Variants in ATXN7L1 observed in about 807,000 individuals in gnomAD.
ATXN7L1 encodes ataxin-7-like protein 1.
ATXN7L1 carries 15 observed loss-of-function variants against 70.8 expected under a neutral mutation model. The ratio of observed to expected loss-of-function variants is 0.21; its 90% CI spans 0.14 to 0.33. The LOEUF (loss-of-function observed/expected upper bound fraction) is 0.33. Ranked by LOEUF, ATXN7L1 falls within the 10% of genes least tolerant of loss-of-function variation. ATXN7L1 has a pLI of 1.00. For missense variants in ATXN7L1, 975 were observed against 1,097.1 expected, an observed-to-expected ratio of 0.89 and a Z score of 1.57; for synonymous variants, 440 against 445.1, an observed-to-expected ratio of 0.99 and a Z score of 0.14.
At chr7:105,821,043 GTTGT>G (rs1022843576) in intron 2 of ATXN7L1, among the ~76,000 whole-genome samples, 2 of 152,126 alleles carry the variant, frequency 1.3e-5, no homozygotes, top group African/African-American at 4.8e-5. Flanking sequence ...TTTTGTTGCT[GTTGT>G]TTGTTTTTTC....
At chr7:105,662,226 C>T (rs1322157326) in intron 4 of ATXN7L1, among the ~76,000 whole-genome samples, 1 of 151,898 alleles carries the variant, frequency 6.6e-6, no homozygotes, top group African/African-American at 2.4e-5. Context: ...CCTCAGCCTC[C>T]TGAGTAGCTG....
Position 105,614,707 on chromosome 7 carries a change from GATACA to G in ATXN7L1, c.1622_1626del (p.Val541AlafsTer94). The G allele has an allele frequency of 6.4e-7, 1 of 1,551,762 alleles. No individual in the cohort carries two copies. The highest frequency in any genetic ancestry group is 8.7e-7 in the Non-Finnish European group (1 of 1,147,018). Reference sequence around the variant, plus strand: ...CTCGAGCTGATGGGAGCTGAAGGAAGATACACAGCACTGGGGTTGCTGAAAGGCTG... The same window carrying G: ...CTCGAGCTGATGGGAGCTGAAGGAAGCAGCACTGGGGTTGCTGAAAGGCTG... On this transcript the variant is annotated frameshift_variant, in exon 10 of 12. Coordinates refer to ENST00000419735, the MANE Select transcript of ATXN7L1 (RefSeq NM_020725.2). LOFTEE classifies it high-confidence loss of function. The surrounding 1 kb of genome is among the most constrained non-coding windows in gnomAD (Gnocchi z 4.3).
intron 3 of ATXN7L1, among the ~76,000 whole-genome samples, chr7:105,715,031 G>A (rs990434092): frequency 1.3e-5 from 2 of 152,158 alleles, no homozygotes; most frequent in African/African-American, 2.4e-5. Context: ...TGCGTGTGTG[G>A]TGTCTAGGAT....
intron 4 of ATXN7L1, among the ~76,000 whole-genome samples, chr7:105,664,322 A>G (rs1242630109): frequency 6.6e-6 from 1 of 151,804 alleles, no homozygotes; most frequent in African/African-American, 2.4e-5. Flanking sequence ...TGGCAGCAGA[A>G]CTGAGAAATA....
In ATXN7L1 at chr7:105,824,917, G is replaced by A. The variant is rs529829459; in HGVS notation, c.251-36209C>T. Among the ~76,000 whole-genome samples, 8 of 142,184 alleles carry A rather than the reference G, an allele frequency of 5.6e-5. No individual in the cohort carries two copies. In the South Asian group the frequency reaches 8.9e-4, roughly 16 times the overall value. 93.3% of individuals were successfully genotyped at this position (142,184 alleles called of 152,430 possible). On this transcript the variant is annotated intron_variant, in intron 2 of 11. Transcript: ENST00000419735. ...AGCCTGGGCGACAGAGTGAGATTCC[G>A]TCTCAAAAAAAAAAAAACAAAAAAA...
intron 2 of ATXN7L1, among the ~76,000 whole-genome samples, chr7:105,809,518 T>A (rs1456599079): frequency 6.6e-6 from 1 of 152,226 alleles, no homozygotes; most frequent in East Asian, 1.9e-4. Context: ...TCAGGCAGTA[T>A]TGGTCCTTTA....
intron 2 of ATXN7L1, among the ~76,000 whole-genome samples, chr7:105,872,786 T>C (rs1818457572): frequency 1.3e-5 from 2 of 151,994 alleles, no homozygotes; most frequent in South Asian, 4.1e-4. Context: ...TGCCACTGAA[T>C]TGTATACTCA....
rs528663052 is a variant in ATXN7L1 at position 105,725,070 on chromosome 7, G to A, written c.356-59782C>T. 6.8e-4 allele frequency among the ~76,000 whole-genome samples: 104 copies of A among 152,206 alleles called. 1 individual carries two copies. The highest frequency in any genetic ancestry group is 3.3e-3 in the Admixed American group (50 of 15,288). ...ACTTCATCTTTACTTAATTACATATGCAGACCCTAGTTACAAATAAAGTCA... is the reference window on the plus strand; with the variant it reads ...ACTTCATCTTTACTTAATTACATATACAGACCCTAGTTACAAATAAAGTCA... On this transcript the variant is annotated intron_variant, in intron 3 of 11. Transcript: ENST00000419735.
Position 105,855,199 on chromosome 7 carries a change from C to G in ATXN7L1, c.250+20613G>C, listed in dbSNP as rs578044183. 8.5e-5 allele frequency among the ~76,000 whole-genome samples: 13 copies of G among 152,234 alleles called. No individual in the cohort carries two copies. The East Asian group carries it at 2.3e-3, about 27-fold the overall frequency. ...TGATCTCTTGGCCTCGTGATCCGTC[C>G]GCCTCGGCCTCCCAAAGTGCTGGGA... On this transcript the variant is annotated intron_variant, in intron 2 of 11. Coordinates refer to ENST00000419735, the MANE Select transcript of ATXN7L1 (RefSeq NM_020725.2).
intron 2 of ATXN7L1, among the ~76,000 whole-genome samples, chr7:105,805,823 T>C (rs1224181246): frequency 6.6e-6 from 1 of 151,312 alleles, no homozygotes; most frequent in Non-Finnish European, 1.5e-5. Context: ...GTGCCACAGG[T>C]GGGTGAATAT....
chr7:105,752,891 C>T (rs1799374107), intron 3 of ATXN7L1, among the ~76,000 whole-genome samples: 1 of 152,176 alleles, frequency 6.6e-6, no homozygotes, highest in South Asian at 2.1e-4. Flanking sequence ...GGATTAAGAG[C>T]ACAGCTGGAA....
intron 3 of ATXN7L1, among the ~76,000 whole-genome samples, chr7:105,742,694 C>T (rs992837001): frequency 6.6e-6 from 1 of 152,214 alleles, no homozygotes; most frequent in Admixed American, 6.5e-5. Context: ...CAAACACTGA[C>T]ATTATTAATC....
At chr7:105,838,235 G>A (rs555065725) in intron 2 of ATXN7L1, among the ~76,000 whole-genome samples, 37 of 152,222 alleles carry the variant, frequency 2.4e-4, no homozygotes, top group Admixed American at 5.9e-4. Context: ...TCTGCCTGTC[G>A]TTCTTTCTTT....
chr7:105,761,243 G>T, intron 3 of ATXN7L1: 2 of 1,507,564 alleles, frequency 1.3e-6, no homozygotes, highest in Non-Finnish European at 1.8e-6. Context: ...GTGTGCTCAC[G>T]AATTTGCAGT....
chr7:105,662,488 T>C (rs1801871238), intron 4 of ATXN7L1, among the ~76,000 whole-genome samples: 1 of 152,136 alleles, frequency 6.6e-6, no homozygotes, highest in Non-Finnish European at 1.5e-5. Context: ...TGGACTGGAT[T>C]GAGTGTGGAC....
At chr7:105,753,130 A>C (rs1563064986) in intron 3 of ATXN7L1, among the ~76,000 whole-genome samples, 1 of 152,218 alleles carries the variant, frequency 6.6e-6, no homozygotes, top group East Asian at 1.9e-4. Context: ...CAGGTGGCTG[A>C]GCTGCTGCTG....
At chr7:105,791,712 A>C (rs1004512869) in intron 2 of ATXN7L1, among the ~76,000 whole-genome samples, 19 of 152,212 alleles carry the variant, frequency 1.2e-4, no homozygotes, top group African/African-American at 4.3e-4. Context: ...ATTTCGACTT[A>C]AAGTCACATT....
At chr7:105,838,484 G>A (rs1812732104) in intron 2 of ATXN7L1, among the ~76,000 whole-genome samples, 1 of 152,212 alleles carries the variant, frequency 6.6e-6, no homozygotes, top group South Asian at 2.1e-4. Flanking sequence ...AACAGCTGCT[G>A]CATAGGCCAC....
At chr7:105,781,567 A>T (rs1584989989) in intron 3 of ATXN7L1, among the ~76,000 whole-genome samples, 1 of 152,168 alleles carries the variant, frequency 6.6e-6, no homozygotes, top group African/African-American at 2.4e-5. Context: ...AGTCACAAAC[A>T]TCTCCTTTTC....
Sources: gnomAD v4.1 joint callset for allele counts (sites outside exome capture counted in the v4.1 genomes callset) on GRCh38, gnomAD v4.1.1 for gene constraint, Gnocchi (gnomAD v3.1) non-coding constraint, MANE v1.5 for transcripts, NCBI Gene and HGNC (gene_info 2026-07-23, HGNC 2026-07-21) for gene names.